ADAMTSL1: variants seen among roughly 807,000 people sequenced by gnomAD.
The protein encoded by ADAMTSL1 is ADAMTS-like protein 1.
In ADAMTSL1, 126 loss-of-function variants were observed where a neutral mutation model predicts 201.8. That is an observed-to-expected ratio of 0.62 (90% CI 0.54 to 0.72). ADAMTSL1 has a LOEUF of 0.72. ADAMTSL1 is among the 30% of genes least tolerant of loss of function. The probability of loss-of-function intolerance (pLI) is 0.00; values close to 1 mark genes in which losing one functional copy is unlikely to be tolerated. For synonymous variants in ADAMTSL1, 1,121 were observed against 903.4 expected, an observed-to-expected ratio of 1.24 and a Z score of -4.32; for missense variants, 2,679 against 2,277.8, an observed-to-expected ratio of 1.18 and a Z score of -3.59.
At chr9:18,648,566 C>G (rs1046135568) in intron 7 of ADAMTSL1, among the ~76,000 whole-genome samples, 11 of 151,406 alleles carry the variant, frequency 7.3e-5, no homozygotes, top group African/African-American at 2.7e-4. Flanking sequence ...TTCAGGAGCT[C>G]TTTTAGGGCA....
At chr9:18,308,214 A>T (rs560679802) in intron 2 of ADAMTSL1, among the ~76,000 whole-genome samples, 1 of 152,330 alleles carries the variant, frequency 6.6e-6, no homozygotes, top group South Asian at 2.1e-4. Context: ...GGAAATTTAT[A>T]GCACTAAATG....
chr9:18,712,921 CA>C (rs1832702510), intron 14 of ADAMTSL1, among the ~76,000 whole-genome samples: 1 of 147,770 alleles, frequency 6.8e-6, no homozygotes, highest in Admixed American at 6.8e-5. Context: ...CCCTACAAGC[CA>C]GAAGAGAGTG....
chr9:18,822,018 C>G (rs1379598652), intron 21 of ADAMTSL1, among the ~76,000 whole-genome samples: 1 of 152,174 alleles, frequency 6.6e-6, no homozygotes, highest in African/African-American at 2.4e-5. Flanking sequence ...TCCTTTCAAG[C>G]AGCAGGGAGA....
chr9:18,369,092 T>C (rs1369745004), intron 2 of ADAMTSL1, among the ~76,000 whole-genome samples: 1 of 152,234 alleles, frequency 6.6e-6, no homozygotes, highest in Non-Finnish European at 1.5e-5. Context: ...AACTGATCTA[T>C]TAACTATAGT....
At chr9:17,973,080 G>A (rs1191611808) in intron 1 of ADAMTSL1, among the ~76,000 whole-genome samples, 1 of 139,076 alleles carries the variant, frequency 7.2e-6, no homozygotes, top group Non-Finnish European at 1.6e-5. Flanking sequence ...TGTCAGATGA[G>A]TAGGTTGCAA....
At chr9:18,872,029 T>C (rs1273219653) in intron 23 of ADAMTSL1, among the ~76,000 whole-genome samples, 2 of 152,180 alleles carry the variant, frequency 1.3e-5, no homozygotes, top group Admixed American at 1.3e-4. Context: ...ACCAAGTCAG[T>C]AGTTTTTACT....
chr9:18,861,303 A>G (rs1377192763), intron 23 of ADAMTSL1, among the ~76,000 whole-genome samples: 1 of 152,254 alleles, frequency 6.6e-6, no homozygotes, highest in African/African-American at 2.4e-5. Context: ...AATTCCCAGC[A>G]GAACAGCATG....
chr9:18,882,515 G>T (rs1409413595), intron 23 of ADAMTSL1, among the ~76,000 whole-genome samples: 2 of 152,168 alleles, frequency 1.3e-5, no homozygotes, highest in Admixed American at 6.5e-5. Context: ...CTACAATTAG[G>T]GTTGGAGGGT....
chr9:18,657,676 T>G lies in ADAMTSL1; in HGVS notation c.872T>G (p.Phe291Cys), dbSNP rs776647405. 6.2e-7 allele frequency: 1 copy of G among 1,614,228 alleles called. No homozygotes were observed. The highest frequency in any genetic ancestry group is 8.5e-7 in the Non-Finnish European group (1 of 1,180,034). Residue 291 changes from phenylalanine to cysteine, a missense_variant, in exon 8 of 29, where the codon TTC becomes TGC. By Grantham distance (205) the Phe-to-Cys change is radical. Transcript: ENST00000380548. The stretch of plus-strand genomic sequence containing the variant: ...GGCTCCGCTGACAGTACAGTCCAGT[T>G]CATCTTCTATCAACCCATCATCCAC... ...NSGSADSTVQ[F>C]IFYQPIIHRW...
intron 19 of ADAMTSL1, chr9:18,793,119 C>T (rs1046980216): frequency 2.6e-5 from 4 of 152,208 alleles, no homozygotes; most frequent in African/African-American, 9.7e-5. Context: ...TGGAATAGCA[C>T]TAAATCAAGC....
chr9:18,208,102 TA>T (rs1829727952), intron 2 of ADAMTSL1, among the ~76,000 whole-genome samples: 1 of 152,152 alleles, frequency 6.6e-6, no homozygotes, highest in Non-Finnish European at 1.5e-5. Context: ...TACATTTTGT[TA>T]GGGGTACAAA....
intron 1 of ADAMTSL1, among the ~76,000 whole-genome samples, chr9:17,972,234 A>G: frequency 7.2e-6 from 1 of 139,676 alleles, no homozygotes; most frequent in East Asian, 2.2e-4. Flanking sequence ...ACCTATGCAT[A>G]CATGTGCCAT....
chr9:18,847,664 GA>G (rs1826216278), intron 23 of ADAMTSL1, among the ~76,000 whole-genome samples: 1 of 72,802 alleles, frequency 1.4e-5, no homozygotes, highest in Non-Finnish European at 3.8e-5. Flanking sequence ...AGAGAGAAGA[GA>G]GGAGAAGAGC....
Position 18,538,002 on chromosome 9 carries a change from A to AGG in ADAMTSL1, c.237+4710_237+4711insGG, listed in dbSNP as rs1564028285. ...GAGGAGGAAGAGGAAGAAGAAGAAG[A>AGG]AGGAGGAGGAGGAGGAGAAGGAGGA... is the stretch of plus-strand genomic sequence containing the variant. On this transcript the variant is annotated intron_variant, in intron 3 of 28. Coordinates refer to ENST00000380548, the MANE Select transcript of ADAMTSL1 (RefSeq NM_001040272.6). Among the ~76,000 whole-genome samples, 358 of 151,606 alleles carry AGG rather than the reference A, an allele frequency of 2.4e-3. 3 individuals are homozygous for AGG. The highest frequency in any genetic ancestry group is 7.9e-3 in the African/African-American group (326 of 41,262).
At chr9:18,854,672 G>C (rs1236782229) in intron 23 of ADAMTSL1, among the ~76,000 whole-genome samples, 1 of 152,150 alleles carries the variant, frequency 6.6e-6, no homozygotes, top group Non-Finnish European at 1.5e-5. Flanking sequence ...AAGAGCTAGA[G>C]AAAACGAAAG....
rs866866208 is a variant in ADAMTSL1 at position 17,923,122 on chromosome 9, G to A, written c.87+16200G>A. Among the ~76,000 whole-genome samples, 17 of 151,812 alleles carry A rather than the reference G, an allele frequency of 1.1e-4. 1 individual carries two copies. Among genetic ancestry groups the A allele is most frequent in the Admixed American group, 7.9e-4 (12 of 15,256 alleles). ...TGGCTTAGGATTGACTTGGCAATGCGGGCTCTTTTTTGGTTCCATATGAAC... is the reference window on the plus strand; with the variant it reads ...TGGCTTAGGATTGACTTGGCAATGCAGGCTCTTTTTTGGTTCCATATGAAC... On this transcript the variant is annotated intron_variant, in intron 1 of 29. Coordinates refer to the ADAMTSL1 transcript ENST00000680146.
intron 1 of ADAMTSL1, among the ~76,000 whole-genome samples, chr9:17,959,934 C>A (rs1357763870): frequency 6.6e-6 from 1 of 152,042 alleles, no homozygotes; most frequent in Non-Finnish European, 1.5e-5. Flanking sequence ...CTTTCTATCC[C>A]TAGGAGTCCC....
At chr9:18,641,942 TA>T (rs1175923873) in intron 7 of ADAMTSL1, among the ~76,000 whole-genome samples, 1 of 152,040 alleles carries the variant, frequency 6.6e-6, no homozygotes, top group Non-Finnish European at 1.5e-5. Context: ...TTTATAGATT[TA>T]AATGGCCATG....
intron 1 of ADAMTSL1, among the ~76,000 whole-genome samples, chr9:17,964,535 A>G (rs891153464): frequency 1.3e-5 from 2 of 150,690 alleles, no homozygotes; most frequent in African/African-American, 4.8e-5. Flanking sequence ...TGGCGAATAC[A>G]TGAACATACT....
Sources: gnomAD v4.1 joint callset for allele counts (sites outside exome capture counted in the v4.1 genomes callset) on GRCh38, gnomAD v4.1.1 for gene constraint, MANE v1.5 for transcripts, NCBI Gene and HGNC (gene_info 2026-07-23, HGNC 2026-07-21) for gene names.